The following COL24A1 variants were observed in gnomAD, a reference collection of about 807,000 sequenced individuals.
The protein encoded by COL24A1 is collagen type XXIV alpha 1 chain.
COL24A1 carries 224 observed loss-of-function variants against 253.9 expected under a neutral mutation model. The observed-to-expected ratio is 0.88, with a 90% confidence interval of 0.79 to 0.99. The LOEUF is 0.99. Ranked by LOEUF, COL24A1 falls within the 50% of genes least tolerant of loss-of-function variation. The pLI, the probability that COL24A1 is intolerant of heterozygous loss-of-function variation, is 0.00. For synonymous variants in COL24A1, 685 were observed against 673.7 expected, an observed-to-expected ratio of 1.02 and a Z score of -0.26; for missense variants, 2,131 against 2,068.5, an observed-to-expected ratio of 1.03 and a Z score of -0.59.
chr1:85,993,271 T>C (rs1368150452), intron 19 of COL24A1, among the ~76,000 whole-genome samples: 1 of 152,094 alleles, frequency 6.6e-6, no homozygotes, highest in Non-Finnish European at 1.5e-5. Flanking sequence ...ATAGAAGTGT[T>C]AGAGTATCTG....
chr1:85,842,440 G>T, intron 39 of COL24A1, 47 bp from the exon 40 acceptor site: 1 of 1,259,582 alleles, frequency 7.9e-7, no homozygotes, highest in Non-Finnish European at 1.1e-6. Context: ...GTAAAGAATT[G>T]TTTAAATCAT....
intron 19 of COL24A1, among the ~76,000 whole-genome samples, chr1:85,998,470 C>T (rs150556839): frequency 1.3e-5 from 2 of 152,294 alleles, no homozygotes; most frequent in African/African-American, 4.8e-5. Flanking sequence ...TAATTAAGGG[C>T]ATGTTTCTCT....
chr1:85,906,357 C>T (rs986420670), intron 28 of COL24A1, among the ~76,000 whole-genome samples: 7 of 140,244 alleles, frequency 5.0e-5, no homozygotes, highest in African/African-American at 1.9e-4. Flanking sequence ...AAAGTAAGGT[C>T]AAGGCATAAC....
rs374938660 is a variant in COL24A1, at chr1:85,961,777, C to T, written c.2518-484G>A. Among the ~76,000 whole-genome samples the T allele has an allele frequency of 3.3e-5, 5 of 152,220 alleles. No homozygotes were observed. In the South Asian group the frequency reaches 1.0e-3, roughly 32 times the overall value. On this transcript the variant is annotated intron_variant, in intron 23 of 59. Coordinates refer to ENST00000370571, the MANE Select transcript of COL24A1 (RefSeq NM_152890.7). ...GCAAGCACAACTTCACATGTTGGAG[C>T]AGGAGAGAGTGAGAGCAAAGGGTGA...
rs201311165 is a variant in COL24A1, at chr1:85,887,475, CT to C, written c.2976+2084del. On this transcript the variant is annotated intron_variant, in intron 32 of 59. Coordinates refer to ENST00000370571, the MANE Select transcript of COL24A1 (RefSeq NM_152890.7). Reference sequence around the variant, plus strand: ...AAAATCTACATCAGGGGTCAGCAAACTTTTTTTTTTTTTCAAGGGCAAGACA... The same window carrying C: ...AAAATCTACATCAGGGGTCAGCAAACTTTTTTTTTTTTCAAGGGCAAGACA... 4.5e-3 allele frequency among the ~76,000 whole-genome samples: 647 copies of C among 143,724 alleles called. 3 individuals are homozygous for C. Among genetic ancestry groups the C allele is most frequent in the Middle Eastern group, 0.022 (6 of 278 alleles). The allele number at this position is 143,724 out of a possible 152,430, so 94.3% of individuals were successfully genotyped here.
At chr1:85,909,545 C>G (rs1685169034) in intron 26 of COL24A1, among the ~76,000 whole-genome samples, 1 of 151,776 alleles carries the variant, frequency 6.6e-6, no homozygotes, top group African/African-American at 2.4e-5. Flanking sequence ...TGACCACAAA[C>G]TCATGGAAGA....
At chr1:85,737,551 T>C in intron 57 of COL24A1, 46 bp from the exon 58 acceptor site, 2 of 1,266,608 alleles carry the variant, frequency 1.6e-6, no homozygotes, top group Middle Eastern at 1.9e-4. Context: ...TTAAATGCCA[T>C]AATCCTTATA....
At chr1:85,737,159 G>C (rs1214614835) in intron 58 of COL24A1, among the ~76,000 whole-genome samples, 2 of 152,134 alleles carry the variant, frequency 1.3e-5, no homozygotes, top group Admixed American at 6.5e-5. Flanking sequence ...TAAAAAACAT[G>C]ATCAGTAGGG....
intron 22 of COL24A1, among the ~76,000 whole-genome samples, chr1:85,967,686 T>C (rs969438071): frequency 1.3e-5 from 2 of 152,126 alleles, no homozygotes; most frequent in African/African-American, 4.8e-5. Context: ...ATGAAACTGG[T>C]CCACCTCAGA....
At chr1:86,007,637 T>C (rs1696096339) in intron 19 of COL24A1, among the ~76,000 whole-genome samples, 1 of 152,068 alleles carries the variant, frequency 6.6e-6, no homozygotes, top group African/African-American at 2.4e-5. Flanking sequence ...TAAAAAGAAA[T>C]GAGCTATGAA....
At chr1:86,135,535 C>T (rs1650092648) in intron 2 of COL24A1, among the ~76,000 whole-genome samples, 1 of 151,630 alleles carries the variant, frequency 6.6e-6, no homozygotes, top group Non-Finnish European at 1.5e-5. Flanking sequence ...TCTTTAAATT[C>T]ATTTTTGTTT....
intron 24 of COL24A1, among the ~76,000 whole-genome samples, chr1:85,919,791 G>A (rs972194453): frequency 6.6e-6 from 1 of 152,144 alleles, no homozygotes; most frequent in Non-Finnish European, 1.5e-5. Context: ...ATTAACATGG[G>A]CAAAAATAAC....
intron 23 of COL24A1, among the ~76,000 whole-genome samples, chr1:85,964,091 G>T (rs1002524290): frequency 6.6e-6 from 1 of 151,966 alleles, no homozygotes; most frequent in Non-Finnish European, 1.5e-5. Context: ...CTTTTCGTTA[G>T]GTTCCAGCAT....
intron 55 of COL24A1, among the ~76,000 whole-genome samples, chr1:85,757,534 A>T (rs1421369890): frequency 6.6e-6 from 1 of 151,980 alleles, no homozygotes; most frequent in Non-Finnish European, 1.5e-5. Context: ...AGCAATTTTA[A>T]ACACCATCAG....
At chr1:86,034,897 A>G (rs1453744860) in intron 12 of COL24A1, among the ~76,000 whole-genome samples, 1 of 152,108 alleles carries the variant, frequency 6.6e-6, no homozygotes, top group East Asian at 1.9e-4. Flanking sequence ...AAGACTTACT[A>G]TTGTAAACAT....
chr1:86,112,054 A>C (rs1341081120), intron 5 of COL24A1, among the ~76,000 whole-genome samples: 1 of 152,208 alleles, frequency 6.6e-6, no homozygotes, highest in Non-Finnish European at 1.5e-5. Context: ...TTCCGGACAC[A>C]ATATGACTAT....
chr1:86,035,928 G>A (rs1698968859), intron 12 of COL24A1, among the ~76,000 whole-genome samples: 1 of 151,970 alleles, frequency 6.6e-6, no homozygotes, highest in Non-Finnish European at 1.5e-5. Flanking sequence ...CTAGGAGAGG[G>A]AAGATGAGAA....
At chr1:86,042,872 TATATA>T (rs1220635761) in intron 12 of COL24A1, among the ~76,000 whole-genome samples, 17 of 152,162 alleles carry the variant, frequency 1.1e-4, no homozygotes, top group African/African-American at 1.7e-4. Context: ...GCTATATGTA[TATATA>T]ATATAAGTAC....
chr1:85,909,169 G>A (rs974046957), intron 26 of COL24A1, among the ~76,000 whole-genome samples: 1 of 151,756 alleles, frequency 6.6e-6, no homozygotes, highest in Non-Finnish European at 1.5e-5. Flanking sequence ...AATGATTCTT[G>A]AAGTTGATTA....
Sources: gnomAD v4.1 joint callset for allele counts (sites outside exome capture counted in the v4.1 genomes callset) on GRCh38, gnomAD v4.1.1 for gene constraint, MANE v1.5 for transcripts, NCBI Gene and HGNC (gene_info 2026-07-23, HGNC 2026-07-21) for gene names.